The following STAB2 variants were observed in gnomAD, a reference collection of about 807,000 sequenced individuals.
STAB2 encodes stabilin-2.
A neutral mutation model predicts 338.1 loss-of-function variants in STAB2; 288 were observed. That is an observed-to-expected ratio of 0.85 (90% CI 0.77 to 0.94). The LOEUF is 0.94. Ranked by LOEUF, STAB2 falls within the 40% of genes least tolerant of loss-of-function variation. The probability of loss-of-function intolerance (pLI) is 0.00; values close to 1 mark genes in which losing one functional copy is unlikely to be tolerated. For missense variants in STAB2, 3,141 were observed against 3,210.1 expected (o/e 0.98, Z 0.52); for synonymous variants, 1,202 against 1,193.3 (o/e 1.01, Z -0.15).
In STAB2 at chr12:103,590,984, G is replaced by A. The variant is rs757593594; in HGVS notation, c.169G>A (p.Gly57Ser). 1.1e-5 allele frequency: 17 copies of A among 1,614,052 alleles called. No individual in the cohort carries two copies. Among genetic ancestry groups the A allele is most frequent in the Non-Finnish European group, 1.4e-5 (17 of 1,180,006 alleles). ...ALNLGVKCPD[G>S]YTMITSGSVG... ...CAACCTTGGAGTCAAGTGCCCGGAT[G>A]GTTACACCATGATTACCAGTGGCTC... Residue 57 changes from glycine (G) to serine (S), a missense_variant, in exon 2 of 69, where the codon GGT becomes AGT. By Grantham distance (56) the Gly-to-Ser change is moderately conservative (BLOSUM62 0). Coordinates refer to ENST00000388887, the MANE Select transcript of STAB2 (RefSeq NM_017564.10).
chr12:103,735,992 C>T (rs1009758123), intron 52 of STAB2, among the ~76,000 whole-genome samples: 15 of 152,222 alleles, frequency 9.9e-5, no homozygotes, highest in African/African-American at 3.4e-4. Flanking sequence ...CTGGGCTATA[C>T]TTACCTAGAT....
In STAB2 at chr12:103,766,444, G is replaced by T; in HGVS notation, c.*108G>T. 7.8e-7 allele frequency: 1 copy of T among 1,289,570 alleles called. No individual in the cohort carries two copies. 79.9% of individuals were successfully genotyped at this position (1,289,570 alleles called of 1,614,324 possible). On this transcript the variant is annotated 3_prime_UTR_variant, in exon 69 of 69. Transcript: ENST00000388887. ...GAACGTAAAGTCCTTTAAGCACTCA[G>T]AAGCCATACCTCATCTCTCTGGCTG...
At position 103,699,202 on chromosome 12, in the gene STAB2, T is replaced by C. The variant is rs770597699; in HGVS notation, c.3689T>C (p.Leu1230Pro). The C allele has an allele frequency of 6.2e-6, 10 of 1,613,034 alleles. No homozygotes were observed. Among genetic ancestry groups the C allele is most frequent in the Middle Eastern group, 1.7e-4 (1 of 6,060 alleles). Residue 1230 changes from leucine (L) to proline (P), a missense_variant, in exon 34 of 69, where the codon CTT becomes CCT. Coordinates refer to ENST00000388887, the MANE Select transcript of STAB2 (RefSeq NM_017564.10). ...ACCATGCTGGGTTTCTCCTATTTCC[T>C]TAGCTTCTTTCTCCATAATGACCAG... ...RETMLGFSYF[L>P]SFFLHNDQLY...
intron 9 of STAB2, among the ~76,000 whole-genome samples, chr12:103,646,456 T>C (rs1565982337): frequency 1.3e-5 from 2 of 152,212 alleles, no homozygotes. Context: ...CTGCCAAGCA[T>C]TGAGCTTTTT....
Position 103,728,951 on chromosome 12 carries a change from G to T in STAB2, c.5038G>T (p.Ala1680Ser), listed in dbSNP as rs150407154. Residue 1680 changes from alanine (A) to serine (S), a missense_variant, in exon 48 of 69, where the codon GCT (alanine) becomes TCT (serine). By Grantham distance (99) the Ala-to-Ser change is moderately conservative (BLOSUM62 1). Coordinates refer to ENST00000388887, the MANE Select transcript of STAB2 (RefSeq NM_017564.10). ...GGAAAACCTGAAATTGATCTCAAAT[G>T]CTACTTCCCTCCAAGGAGAGCCAAT... ...LLENLKLISNATSLQGEPIVI... is the reference protein window; with the variant it reads ...LLENLKLISNSTSLQGEPIVI... 6.8e-6 allele frequency: 11 copies of T among 1,613,962 alleles called. No individual in the cohort carries two copies. The highest frequency in any genetic ancestry group is 4.4e-5 in the South Asian group (4 of 91,072).
In STAB2 at chr12:103,683,225, A is replaced by C; in HGVS notation, c.2826A>C (p.Lys942Asn). 1 of 1,613,204 alleles carries C rather than the reference A, an allele frequency of 6.2e-7. No individual in the cohort carries two copies. Among genetic ancestry groups the C allele is most frequent in the South Asian group, 1.1e-5 (1 of 90,788 alleles). ...GPGQNECECK[K>N]GFRGNGIDCE... is the part of the protein sequence containing the mutation. The stretch of plus-strand genomic sequence containing the variant: ...TATAGAATGAGTGTGAGTGCAAGAA[A>C]GGATTTCGAGGAAATGGGATTGACT... The change falls in exon 26 of 69, where the codon AAA (lysine) becomes AAC (asparagine). Residue 942 changes from lysine to asparagine, a missense_variant. Coordinates refer to ENST00000388887, the MANE Select transcript of STAB2 (RefSeq NM_017564.10).
intron 22 of STAB2, among the ~76,000 whole-genome samples, chr12:103,671,887 T>C (rs560712133): frequency 3.9e-5 from 6 of 152,338 alleles, no homozygotes; most frequent in African/African-American, 1.4e-4. Flanking sequence ...CATATGTATA[T>C]TTTTGACATA....
At chr12:103,700,946 C>T (rs1339079440) in intron 34 of STAB2, among the ~76,000 whole-genome samples, 1 of 151,000 alleles carries the variant, frequency 6.6e-6, no homozygotes, top group Non-Finnish European at 1.5e-5. Flanking sequence ...GCTGCACCCA[C>T]TAACTCGTCA....
intron 15 of STAB2, among the ~76,000 whole-genome samples, chr12:103,657,403 G>GA (rs1423255887): frequency 6.6e-6 from 1 of 152,008 alleles, no homozygotes; most frequent in African/African-American, 2.4e-5. Context: ...ACTAGAATAG[G>GA]AAAAAATCAA....
At position 103,674,071 on chromosome 12, in the gene STAB2, A is replaced by T. The variant is rs1566003728; in HGVS notation, c.2536A>T (p.Ser846Cys). 1 of 1,611,490 alleles carries T rather than the reference A, an allele frequency of 6.2e-7. No homozygotes were observed. Among genetic ancestry groups the T allele is most frequent in the Non-Finnish European group, 8.5e-7 (1 of 1,177,924 alleles). The change falls in exon 23 of 69, where the codon AGC becomes TGC. Residue 846 changes from serine (S) to cysteine (C), a missense_variant. Physicochemically the swap from Ser to Cys is moderately radical, Grantham distance 112. Coordinates refer to ENST00000388887, the MANE Select transcript of STAB2 (RefSeq NM_017564.10). ...TCACATCCACGCCACCTGTGAATACAGCAATGGGACAGCCAGGTAGGTCTG... is the reference window on the plus strand; with the variant it reads ...TCACATCCACGCCACCTGTGAATACTGCAATGGGACAGCCAGGTAGGTCTG... ...FCHIHATCEY[S>C]NGTASCICKA...
chr12:103,683,431 G>T, intron 26 of STAB2, 131 bp downstream of exon 26: 1 of 724,446 alleles, frequency 1.4e-6, no homozygotes, highest in Non-Finnish European at 2.1e-6. Flanking sequence ...TCTCTAAGCA[G>T]AATGCGAGTA....
At chr12:103,655,048 A>C (rs940135764) in intron 13 of STAB2, among the ~76,000 whole-genome samples, 6 of 152,260 alleles carry the variant, frequency 3.9e-5, no homozygotes, top group Admixed American at 1.3e-4. Flanking sequence ...ATGAGGGCCA[A>C]AGGATACTTC....
chr12:103,738,429 C>A (rs1167609623), intron 53 of STAB2, among the ~76,000 whole-genome samples: 2 of 152,170 alleles, frequency 1.3e-5, no homozygotes, highest in East Asian at 3.9e-4. Context: ...ATAATAGGAA[C>A]AGTTATCATC....
chr12:103,651,163 T>C (rs1873711400), intron 11 of STAB2, among the ~76,000 whole-genome samples: 1 of 152,228 alleles, frequency 6.6e-6, no homozygotes, highest in Non-Finnish European at 1.5e-5. Flanking sequence ...TTATATTTGG[T>C]CTAATGTAAA....
At chr12:103,756,636 C>G (rs57467222) in intron 63 of STAB2, among the ~76,000 whole-genome samples, 6,212 of 152,236 alleles carry the variant, frequency 0.041, 316 homozygotes, top group African/African-American at 0.12. Context: ...CCAGCCTCCC[C>G]CTCATGCTTT....
At chr12:103,611,079 A>G (rs1373057880) in intron 3 of STAB2, among the ~76,000 whole-genome samples, 2 of 152,158 alleles carry the variant, frequency 1.3e-5, no homozygotes, top group African/African-American at 4.8e-5. Context: ...CTGTTCTTTT[A>G]CATTTGCTGA....
intron 51 of STAB2, among the ~76,000 whole-genome samples, chr12:103,735,117 A>T (rs181993495): frequency 3.3e-4 from 51 of 152,288 alleles, no homozygotes; most frequent in Non-Finnish European, 5.0e-4. Flanking sequence ...GGACTTCAAC[A>T]TAACTCTTTG....
intron 11 of STAB2, 78 bp downstream of exon 11, chr12:103,650,656 T>G (rs1359755627): frequency 1.6e-5 from 19 of 1,203,796 alleles, no homozygotes; most frequent in Non-Finnish European, 2.1e-5. Context: ...TTATTTAAAG[T>G]GGGAAATCCC....
intron 59 of STAB2, 148 bp from the exon 60 acceptor site, chr12:103,750,431 G>A (rs757245052): frequency 1.8e-5 from 16 of 912,938 alleles, no homozygotes; most frequent in South Asian, 8.1e-5. Flanking sequence ...AAAGCAGGAC[G>A]TAGCAGTTAT....
Sources: gnomAD v4.1 joint callset for allele counts (sites outside exome capture counted in the v4.1 genomes callset) on GRCh38, gnomAD v4.1.1 for gene constraint, MANE v1.5 for transcripts, NCBI Gene and HGNC (gene_info 2026-07-23, HGNC 2026-07-21) for gene names.